The following MROH9 variants were observed in gnomAD, a reference collection of about 807,000 sequenced individuals.
MROH9 encodes the protein maestro heat like repeat family member 9, also known as maestro heat-like repeat-containing protein family member 9.
Under a neutral mutation model 98.2 loss-of-function variants are expected in MROH9, and 92 were observed. That is an observed-to-expected ratio of 0.94 (90% confidence interval 0.79 to 1.11). The LOEUF is 1.11. Among genes scored for constraint, MROH9 ranks in the 50% most tolerant of loss-of-function variants. The pLI is 0.00. For synonymous variants in MROH9, 397 were observed against 368.9 expected (o/e 1.08, Z -0.87); for missense variants, 1,057 against 1,014.8 (o/e 1.04, Z -0.57).
At chr1:171,031,124 T>C (rs1228911612) in intron 20 of MROH9, among the ~76,000 whole-genome samples, 1 of 152,170 alleles carries the variant, frequency 6.6e-6, no homozygotes, top group Non-Finnish European at 1.5e-5. Flanking sequence ...TTTTTTTGCT[T>C]TCTGTTTGCT....
chr1:170,994,299 T>G (rs1651473094), intron 12 of MROH9, among the ~76,000 whole-genome samples: 1 of 152,182 alleles, frequency 6.6e-6, no homozygotes, highest in South Asian at 2.1e-4. Context: ...GTGAATATGG[T>G]TTGTCTGCCC....
At chr1:170,963,293 C>A (rs1174683334) in intron 6 of MROH9, among the ~76,000 whole-genome samples, 1 of 152,104 alleles carries the variant, frequency 6.6e-6, no homozygotes, top group African/African-American at 2.4e-5. Flanking sequence ...CAACTACCAC[C>A]AGTCAGAATG....
intron 15 of MROH9, among the ~76,000 whole-genome samples, chr1:171,013,022 T>C (rs1652212922): frequency 6.6e-6 from 1 of 152,106 alleles, no homozygotes; most frequent in Non-Finnish European, 1.5e-5. Flanking sequence ...CTCTCTCTCA[T>C]CTTTCAGGTG....
chr1:171,037,175 TC>T (rs1050115528), intron 20 of MROH9, among the ~76,000 whole-genome samples: 3 of 150,164 alleles, frequency 2.0e-5, no homozygotes, highest in African/African-American at 7.3e-5. Context: ...AAAGAAAATA[TC>T]CCATTTATAG....
At position 170,986,573 on chromosome 1, in the gene MROH9, A is replaced by G; in HGVS notation, c.742A>G (p.Thr248Ala). The stretch of plus-strand genomic sequence containing the variant: ...TTTGTGGTTGCAGAGAGTAGGGCAA[A>G]CCTTACTGCCTCCCTTGCTGACTGA... Reference protein sequence around the residue: ...ESKIAQRVGQTLLPPLLTDFV... With the variant: ...ESKIAQRVGQALLPPLLTDFV... The change falls in exon 10 of 22, where the codon ACC becomes GCC. Residue 248 changes from threonine (T) to alanine (A), a missense_variant. By Grantham distance (58) the Thr-to-Ala change is moderately conservative. Coordinates refer to ENST00000367759, the MANE Select transcript of MROH9 (RefSeq NM_001163629.2). The G allele has an allele frequency of 6.2e-7, 1 of 1,613,340 alleles. No individual in the cohort carries two copies. The highest frequency in any genetic ancestry group is 2.2e-5 in the East Asian group (1 of 44,834).
At chr1:171,012,699 T>A (rs1652197013) in intron 15 of MROH9, among the ~76,000 whole-genome samples, 2 of 152,036 alleles carry the variant, frequency 1.3e-5, no homozygotes, top group Admixed American at 1.3e-4. Flanking sequence ...GAGACGGGGT[T>A]TCACCATGTT....
Position 171,020,563 on chromosome 1 carries a change from T to C in MROH9, c.1909-3832T>C, listed in dbSNP as rs571501146. On this transcript the variant is annotated intron_variant, in intron 17 of 21. Coordinates refer to ENST00000367759, the MANE Select transcript of MROH9 (RefSeq NM_001163629.2). The stretch of plus-strand genomic sequence containing the variant: ...AAAAGGCCTTCGATAAAATTCAACA[T>C]TCCTTCATGTTAAAAACTCTCAATA... 2.0e-5 allele frequency among the ~76,000 whole-genome samples: 3 copies of C among 152,172 alleles called. No individual in the cohort carries two copies. The South Asian group carries it at 6.2e-4, about 32-fold the overall frequency.
chr1:171,000,929 T>C (rs770114127), intron 15 of MROH9, among the ~76,000 whole-genome samples: 44 of 152,098 alleles, frequency 2.9e-4, no homozygotes, highest in Non-Finnish European at 5.3e-4. Context: ...TTGTTATTGG[T>C]CTGTTCAGGA....
At chr1:171,040,671 T>C (rs1419623984) in intron 20 of MROH9, among the ~76,000 whole-genome samples, 2 of 152,136 alleles carry the variant, frequency 1.3e-5, no homozygotes, top group African/African-American at 4.8e-5. Context: ...ACTTTAGTGT[T>C]ACTATCTGTA....
intron 20 of MROH9, among the ~76,000 whole-genome samples, chr1:171,027,359 C>G (rs1352325088): frequency 6.6e-6 from 1 of 152,194 alleles, no homozygotes; most frequent in Admixed American, 6.5e-5. Context: ...CCAGCTTCAT[C>G]CATGTCCCTG....
At position 170,982,464 on chromosome 1, in the gene MROH9, G is replaced by A. The variant is rs555404835; in HGVS notation, c.617-958G>A. ...CTTGGAGTCAGAGGATGGATACAGG[G>A]ATTAGGTGTGAGGGGTTACAAAAGG... On this transcript the variant is annotated intron_variant, in intron 8 of 21. Transcript: ENST00000367759. 5.3e-5 allele frequency among the ~76,000 whole-genome samples: 8 copies of A among 152,238 alleles called. No homozygotes were observed. The East Asian group carries it at 1.4e-3, about 26-fold the overall frequency.
Position 170,961,837 on chromosome 1 carries a change from T to C in MROH9, c.289-53T>C, listed in dbSNP as rs193251129. 1.5e-4 allele frequency: 134 copies of C among 866,930 alleles called. 2 individuals are homozygous for C. The Admixed American group carries it at 3.2e-3, about 21-fold the overall frequency. The allele number at this position is 866,930 out of a possible 1,614,324, so 53.7% of individuals were successfully genotyped here. On this transcript the variant is annotated intron_variant, in intron 5 of 21. Transcript: ENST00000367759. Reference sequence around the variant, plus strand: ...TAAGCAAGAAAAAAACTGTAGACATTAGGTAAAATTTTATCTAAGTCTGGC... The same window carrying C: ...TAAGCAAGAAAAAAACTGTAGACATCAGGTAAAATTTTATCTAAGTCTGGC...
intron 6 of MROH9, among the ~76,000 whole-genome samples, chr1:170,964,554 A>G (rs1343878506): frequency 6.6e-6 from 1 of 152,080 alleles, no homozygotes; most frequent in Non-Finnish European, 1.5e-5. Flanking sequence ...TTCCCTTTTC[A>G]AGGTTGTAAA....
At chr1:170,990,056 A>G (rs980671603) in intron 11 of MROH9, 53 bp downstream of exon 11, 22 of 1,533,872 alleles carry the variant, frequency 1.4e-5, no homozygotes, top group Middle Eastern at 1.7e-4. Flanking sequence ...CACAGGCTGC[A>G]CTGTCAGATG....
At chr1:171,026,745 A>G (rs893034658) in intron 20 of MROH9, among the ~76,000 whole-genome samples, 1 of 152,242 alleles carries the variant, frequency 6.6e-6, no homozygotes, top group African/African-American at 2.4e-5. Context: ...AAAAGAGACA[A>G]AAGAATGAAG....
chr1:171,009,579 T>C (rs1256042193), intron 15 of MROH9, among the ~76,000 whole-genome samples: 1 of 152,230 alleles, frequency 6.6e-6, no homozygotes, highest in Non-Finnish European at 1.5e-5. Context: ...TAAACTCTTA[T>C]GTTAGCTTTG....
At chr1:170,963,988 G>A (rs1237246409) in intron 6 of MROH9, among the ~76,000 whole-genome samples, 2 of 152,076 alleles carry the variant, frequency 1.3e-5, no homozygotes, top group East Asian at 3.9e-4. Flanking sequence ...CCTTCACCGT[G>A]ATTATGAATC....
In MROH9 at chr1:170,975,559, C is replaced by T. The variant is rs563675377; in HGVS notation, c.616+3676C>T. Among the ~76,000 whole-genome samples the T allele has an allele frequency of 3.9e-5, 6 of 152,280 alleles. No individual in the cohort carries two copies. In the South Asian group the frequency reaches 1.2e-3, roughly 32 times the overall value. ...TCATCCCTCACTCCCCTTTCACCTT[C>T]CCACTTTTATGAGTCTCTAATGTCT... On this transcript the variant is annotated intron_variant, in intron 8 of 21. Transcript: ENST00000367759.
chr1:171,007,440 G>A (rs780081776), intron 15 of MROH9, among the ~76,000 whole-genome samples: 5 of 152,174 alleles, frequency 3.3e-5, no homozygotes, highest in Admixed American at 6.5e-5. Context: ...CCCAGGGCAG[G>A]ACTGGCTCCA....
Sources: allele counts gnomAD v4.1 joint callset (sites outside exome capture counted in the v4.1 genomes callset), GRCh38; gene constraint gnomAD v4.1.1; transcripts MANE v1.5; gene names NCBI Gene and HGNC (gene_info 2026-07-23, HGNC 2026-07-21).